The following OR10T2 variants were observed in gnomAD, a reference collection of about 807,000 sequenced individuals.
OR10T2 encodes the protein olfactory receptor family 10 subfamily T member 2.
For missense variants in OR10T2, 416 were observed against 372.3 expected, an observed-to-expected ratio of 1.12 and a Z score of -0.97; for synonymous variants, 162 against 144.1, an observed-to-expected ratio of 1.12 and a Z score of -0.89.
rs576619941 is a variant in OR10T2 at position 158,398,668 on chromosome 1, C to A, written c.799G>T (p.Ala267Ser). 92 of 1,614,136 alleles carry A rather than the reference C, an allele frequency of 5.7e-5. No homozygotes were observed. The South Asian group carries it at 9.1e-4, about 16-fold the overall frequency. Residue 267 changes from alanine (A) to serine (S), a missense_variant, in exon 1 of 1, where the codon GCC becomes TCC. Physicochemically the swap from Ala to Ser is moderately conservative, Grantham distance 99. Transcript: ENST00000334438. ...IIYLRPKSKS[A>S]SDKDQLVAVT... ...GCCACCAACTGATCCTTGTCTGAGG[C>A]AGACTTGGACTTGGGCCGCAGATAG... is the stretch of plus-strand genomic sequence containing the variant.
chr1:158,399,269 G>C lies in OR10T2; in HGVS notation c.198C>G (p.Ile66Met), dbSNP rs776727896. ...LHTPMYGFLF[I>M]LSFSESCYTF... is the part of the protein sequence containing the mutation. ...TGTAGCAGGACTCAGAAAATGAAAG[G>C]ATGAATAGAAAGCCATACATGGGAG... Residue 66 changes from isoleucine to methionine, a missense_variant, in exon 1 of 1, where the codon ATC becomes ATG. Ile to Met is a conservative substitution (Grantham distance 10). Transcript: ENST00000334438. 1.1e-5 allele frequency: 17 copies of C among 1,614,082 alleles called. No homozygotes were observed. The highest frequency in any genetic ancestry group is 1.4e-5 in the Non-Finnish European group (17 of 1,179,966).
rs776501787 is a variant in OR10T2 at position 158,399,092 on chromosome 1, T to C, written c.375A>G (p.Val125=). The change falls in exon 1 of 1, where the codon GTA becomes GTG. Residue 125 remains valine (V), a synonymous_variant. Coordinates refer to ENST00000334438, the MANE Select transcript of OR10T2 (RefSeq NM_001004475.1). ...LIAVMGYDRY[V]AICHPLRYTL... is the part of the protein sequence containing the mutation. ...TGTACCTCAGAGGGTGACAAATTGCTACATAGCGATCATATCCCATCACAG... is the reference window on the plus strand; with the variant it reads ...TGTACCTCAGAGGGTGACAAATTGCCACATAGCGATCATATCCCATCACAG... 6.2e-7 allele frequency: 1 copy of C among 1,614,122 alleles called. No homozygotes were observed. Among genetic ancestry groups the C allele is most frequent in the Non-Finnish European group, 8.5e-7 (1 of 1,180,016 alleles).
At position 158,399,106 on chromosome 1, in the gene OR10T2, A is replaced by C; in HGVS notation, c.361T>G (p.Tyr121Asp). 1 of 1,614,198 alleles carries C rather than the reference A, an allele frequency of 6.2e-7. No homozygotes were observed. The highest frequency in any genetic ancestry group is 8.5e-7 in the Non-Finnish European group (1 of 1,180,024). The change falls in exon 1 of 1, where the codon TAT (tyrosine) becomes GAT (aspartate). Residue 121 changes from tyrosine to aspartate, a missense_variant. Tyr to Asp is a radical substitution (Grantham distance 160). Coordinates refer to ENST00000334438, the MANE Select transcript of OR10T2 (RefSeq NM_001004475.1). ...TGACAAATTGCTACATAGCGATCAT[A>C]TCCCATCACAGCAATGAGGAGGCAG... ...TNCLLIAVMG[Y>D]DRYVAICHPL...
In OR10T2 at chr1:158,398,807, G is replaced by T. The variant is rs1376861823; in HGVS notation, c.660C>A (p.Gly220=). The change falls in exon 1 of 1, where the codon GGC becomes GGA. Residue 220 remains glycine, a synonymous_variant. Transcript: ENST00000334438. ...TCTTCAGGATGGTGTTAACTATGAA[G>T]CCATAGGATATGAGAATTAACAGAA... ...VPFLLILISY[G]FIVNTILKIP... is the part of the protein sequence containing the mutation. 6.2e-7 allele frequency: 1 copy of T among 1,614,032 alleles called. No individual in the cohort carries two copies. The highest frequency in any genetic ancestry group is 8.5e-7 in the Non-Finnish European group (1 of 1,180,024).
rs781530350 is a variant in OR10T2 at position 158,398,558 on chromosome 1, T to A, written c.909A>T (p.Arg303Ser). The A allele has an allele frequency of 6.2e-7, 1 of 1,608,910 alleles. No individual in the cohort carries two copies. Among genetic ancestry groups the A allele is most frequent in the Non-Finnish European group, 8.5e-7 (1 of 1,177,448 alleles). The change falls in exon 1 of 1, where the codon AGA (arginine) becomes AGT (serine). Residue 303 changes from arginine to serine, a missense_variant. Arg to Ser is a moderately radical substitution (Grantham distance 110). Transcript: ENST00000334438. ...TGGTTGCCACAGGCATTCCAAGAAC[T>A]CTTTTCAATGCAGTTTTTACCTCTT... ...RNKEVKTALK[R>S]VLGMPVATKM...
rs1173222138 is a variant in OR10T2 at position 158,399,395 on chromosome 1, G to T, written c.72C>A (p.Leu24=). 1 of 1,613,974 alleles carries T rather than the reference G, an allele frequency of 6.2e-7. No individual in the cohort carries two copies. Among genetic ancestry groups the T allele is most frequent in the Non-Finnish European group, 8.5e-7 (1 of 1,180,034 alleles). ...GAAAGATGACAAAAAGCAGCAGCTGGAGCTCCCCCAGGCTGGAGAAACCCA... is the reference window on the plus strand; with the variant it reads ...GAAAGATGACAAAAAGCAGCAGCTGTAGCTCCCCCAGGCTGGAGAAACCCA... The part of the protein sequence containing the change: ...ILVGFSSLGE[L]QLLLFVIFLL... The change falls in exon 1 of 1, where the codon CTC becomes CTA. Residue 24 remains leucine, a synonymous_variant. Coordinates refer to ENST00000334438, the MANE Select transcript of OR10T2 (RefSeq NM_001004475.1).
In OR10T2 at chr1:158,398,814, G is replaced by A. The variant is rs1212822908; in HGVS notation, c.653C>T (p.Ser218Phe). The A allele has an allele frequency of 6.2e-7, 1 of 1,614,140 alleles. No individual in the cohort carries two copies. ...IMVPFLLILI[S>F]YGFIVNTILK... ...GATGGTGTTAACTATGAAGCCATAG[G>A]ATATGAGAATTAACAGAAAAGGCAC... Residue 218 changes from serine to phenylalanine, a missense_variant, in exon 1 of 1, where the codon TCC becomes TTC. Ser to Phe is a radical substitution (Grantham distance 155). Coordinates refer to ENST00000334438, the MANE Select transcript of OR10T2 (RefSeq NM_001004475.1).
In OR10T2 at chr1:158,398,815, A is replaced by G; in HGVS notation, c.652T>C (p.Ser218Pro). 6.2e-7 allele frequency: 1 copy of G among 1,614,146 alleles called. No homozygotes were observed. The highest frequency in any genetic ancestry group is 8.5e-7 in the Non-Finnish European group (1 of 1,180,012). ...ATGGTGTTAACTATGAAGCCATAGG[A>G]TATGAGAATTAACAGAAAAGGCACC... Reference protein sequence around the residue: ...IMVPFLLILISYGFIVNTILK... With the variant: ...IMVPFLLILIPYGFIVNTILK... The change falls in exon 1 of 1, where the codon TCC (serine) becomes CCC (proline). Residue 218 changes from serine (S) to proline (P), a missense_variant. By Grantham distance (74) the Ser-to-Pro change is moderately conservative. Transcript: ENST00000334438.
Position 158,398,999 on chromosome 1 carries a change from A to C in OR10T2, c.468T>G (p.Ile156Met). The stretch of plus-strand genomic sequence containing the variant: ...AAATGAGGTTGGTGGCCACCAAAGC[A>C]ATAAAGAAACCTGTGGCTCCTGAGA... ...ISLSGATGFF[I>M]ALVATNLICD... Residue 156 changes from isoleucine to methionine, a missense_variant, in exon 1 of 1, where the codon ATT becomes ATG. Coordinates refer to ENST00000334438, the MANE Select transcript of OR10T2 (RefSeq NM_001004475.1). 1.2e-6 allele frequency: 2 copies of C among 1,614,184 alleles called. No individual in the cohort carries two copies. Among genetic ancestry groups the C allele is most frequent in the Non-Finnish European group, 8.5e-7 (1 of 1,180,026 alleles).
At position 158,399,445 on chromosome 1, in the gene OR10T2, T is replaced by G. The variant is rs199620846; in HGVS notation, c.22A>C (p.Thr8Pro). Residue 8 changes from threonine to proline, a missense_variant, in exon 1 of 1, where the codon ACT (threonine) becomes CCT (proline). Coordinates refer to ENST00000334438, the MANE Select transcript of OR10T2 (RefSeq NM_001004475.1). MRGFNKT[T>P]VVTQFILVGF... ...ACCAGGATGAACTGTGTAACCACAG[T>G]GGTTTTGTTGAAACCTCGCATCTGA... The G allele has an allele frequency of 6.2e-7, 1 of 1,603,696 alleles. No homozygotes were observed. Among genetic ancestry groups the G allele is most frequent in the East Asian group, 2.2e-5 (1 of 44,692 alleles).
rs56704148 is a variant in OR10T2, at chr1:158,399,125, G to A, written c.342C>T (p.Leu114=). Residue 114 remains leucine (L), a synonymous_variant, in exon 1 of 1, where the codon CTC becomes CTT. Coordinates refer to ENST00000334438, the MANE Select transcript of OR10T2 (RefSeq NM_001004475.1). The stretch of plus-strand genomic sequence containing the variant: ...GATCATATCCCATCACAGCAATGAG[G>A]AGGCAGTTGGTGCAAGCAAAGCCAA... ...FFLGFACTNC[L]LIAVMGYDRY... 2.7e-5 allele frequency: 44 copies of A among 1,614,066 alleles called. No individual in the cohort carries two copies. Among genetic ancestry groups the A allele is most frequent in the Non-Finnish European group, 3.5e-5 (41 of 1,180,028 alleles).
Position 158,398,581 on chromosome 1 carries a change from CTT to C in OR10T2, c.884_885del (p.Lys295ArgfsTer?). The C allele has an allele frequency of 6.2e-7, 1 of 1,613,522 alleles. No homozygotes were observed. Among genetic ancestry groups the C allele is most frequent in the Non-Finnish European group, 8.5e-7 (1 of 1,179,782 alleles). ...LNPLVYSLRN[K>X]EVKTALKRVL... ...ACTCTTTTCAATGCAGTTTTTACCT[CTT>C]TGTTCCTCAGACTGTAGACAAGAGG... is the stretch of plus-strand genomic sequence containing the variant. On this transcript the variant is annotated frameshift_variant, in exon 1 of 1. Transcript: ENST00000334438. LOFTEE classifies it low-confidence loss of function (END_TRUNC).
chr1:158,398,621 A>T lies in OR10T2; in HGVS notation c.846T>A (p.Thr282=). Residue 282 remains threonine (T), a synonymous_variant, in exon 1 of 1, where the codon ACT becomes ACA. Transcript: ENST00000334438. ...TGTAGACAAGAGGATTAAGTAAGGG[A>T]GTAACCACTGTGTAGGTCACTGCCA... ...QLVAVTYTVV[T]PLLNPLVYSL... 2.5e-6 allele frequency: 4 copies of T among 1,613,974 alleles called. No homozygotes were observed. The highest frequency in any genetic ancestry group is 3.4e-6 in the Non-Finnish European group (4 of 1,179,908).
At position 158,399,002 on chromosome 1, in the gene OR10T2, A is replaced by T; in HGVS notation, c.465T>A (p.Phe155Leu). ...TGAGGTTGGTGGCCACCAAAGCAAT[A>T]AAGAAACCTGTGGCTCCTGAGAGAG... is the stretch of plus-strand genomic sequence containing the variant. ...LISLSGATGF[F>L]IALVATNLIC... The change falls in exon 1 of 1, where the codon TTT becomes TTA. Residue 155 changes from phenylalanine (F) to leucine (L), a missense_variant. Coordinates refer to ENST00000334438, the MANE Select transcript of OR10T2 (RefSeq NM_001004475.1). The T allele has an allele frequency of 6.2e-7, 1 of 1,614,190 alleles. No individual in the cohort carries two copies.
chr1:158,399,167 G>T lies in OR10T2; in HGVS notation c.300C>A (p.Thr100=), dbSNP rs528859251. ...CAAAGCCAAGGAAAAAGAACAGCTG[G>T]GTGGCACAGGCCATGAAGGAGATGG... ...TKTISFMACA[T]QLFFFLGFAC... is the part of the protein sequence containing the mutation. Residue 100 remains threonine (T), a synonymous_variant, in exon 1 of 1, where the codon ACC becomes ACA. Coordinates refer to ENST00000334438, the MANE Select transcript of OR10T2 (RefSeq NM_001004475.1). The T allele has an allele frequency of 3.1e-6, 5 of 1,614,048 alleles. No homozygotes were observed. The highest frequency in any genetic ancestry group is 4.2e-6 in the Non-Finnish European group (5 of 1,180,036).
In OR10T2 at chr1:158,399,056, T is replaced by G. The variant is rs6662382; in HGVS notation, c.411A>C (p.Ile137=). The G allele has an allele frequency of 1.2e-6, 2 of 1,613,656 alleles. No homozygotes were observed. Among genetic ancestry groups the G allele is most frequent in the African/African-American group, 2.7e-5 (2 of 74,812 alleles). Reference sequence around the variant, plus strand: ...TCAACTCCAACCCCAGCCTTTTGTTTATGATGAGTGTGTACCTCAGAGGGT... The same window carrying G: ...TCAACTCCAACCCCAGCCTTTTGTTGATGATGAGTGTGTACCTCAGAGGGT... ...ICHPLRYTLI[I]NKRLGLELIS... The change falls in exon 1 of 1, where the codon ATA becomes ATC. Residue 137 remains isoleucine (I), a synonymous_variant. Coordinates refer to ENST00000334438, the MANE Select transcript of OR10T2 (RefSeq NM_001004475.1).
Position 158,399,296 on chromosome 1 carries a change from G to A in OR10T2, c.171C>T (p.His57=). ...TGAATAGAAAGCCATACATGGGAGT[G>A]TGGAGAGTCCAGCTGAAGCGAATAA... ...MAVIRFSWTL[H]TPMYGFLFIL... is the part of the protein sequence containing the mutation. The change falls in exon 1 of 1, where the codon CAC becomes CAT. Residue 57 remains histidine, a synonymous_variant. Transcript: ENST00000334438. The A allele has an allele frequency of 6.2e-7, 1 of 1,614,078 alleles. No individual in the cohort carries two copies. Among genetic ancestry groups the A allele is most frequent in the Non-Finnish European group, 8.5e-7 (1 of 1,179,980 alleles).
rs201396187 is a variant in OR10T2, at chr1:158,399,393, T to A, written c.74A>T (p.Gln25Leu). 1 of 1,614,112 alleles carries A rather than the reference T, an allele frequency of 6.2e-7. No homozygotes were observed. Among genetic ancestry groups the A allele is most frequent in the African/African-American group, 1.3e-5 (1 of 75,036 alleles). Residue 25 changes from glutamine to leucine, a missense_variant, in exon 1 of 1, where the codon CAG (glutamine) becomes CTG (leucine). Coordinates refer to ENST00000334438, the MANE Select transcript of OR10T2 (RefSeq NM_001004475.1). ...AAGAAAGATGACAAAAAGCAGCAGC[T>A]GGAGCTCCCCCAGGCTGGAGAAACC... ...LVGFSSLGEL[Q>L]LLLFVIFLLL...
In OR10T2 at chr1:158,399,252, G is replaced by T. The variant is rs1483461154; in HGVS notation, c.215C>A (p.Ser72Tyr). ...GFLFILSFSE[S>Y]CYTFVIIPQL... ...AGGGATGATGACAAAAGTGTAGCAG[G>T]ACTCAGAAAATGAAAGGATGAATAG... The change falls in exon 1 of 1, where the codon TCC becomes TAC. Residue 72 changes from serine (S) to tyrosine (Y), a missense_variant. By Grantham distance (144) the Ser-to-Tyr change is moderately radical. Transcript: ENST00000334438. 1 of 1,614,024 alleles carries T rather than the reference G, an allele frequency of 6.2e-7. No individual in the cohort carries two copies. Among genetic ancestry groups the T allele is most frequent in the Non-Finnish European group, 8.5e-7 (1 of 1,179,944 alleles).
Sources: gnomAD v4.1 joint callset for allele counts on GRCh38, gnomAD v4.1.1 for gene constraint, MANE v1.5 for transcripts, NCBI Gene and HGNC (gene_info 2026-07-23, HGNC 2026-07-21) for gene names.